Variants in CDH1 observed in about 807,000 individuals in gnomAD.
The protein encoded by CDH1 is cadherin 1.
In CDH1, 35 loss-of-function variants were observed where a neutral mutation model predicts 84.5. That is an observed-to-expected ratio of 0.41 (90% CI 0.32 to 0.55). The LOEUF is 0.55. Ranked by LOEUF, CDH1 falls within the 20% of genes least tolerant of loss-of-function variation. CDH1 has a pLI of 0.19. For synonymous variants in CDH1, 417 were observed against 439.0 expected (o/e 0.95, Z 0.63); for missense variants, 994 against 1,126.6 (o/e 0.88, Z 1.68).
chr16:68,737,318 G>C lies in CDH1; in HGVS notation c.-98G>C, dbSNP rs1400297666. On this transcript the variant is annotated 5_prime_UTR_variant, in exon 1 of 16. Transcript: ENST00000261769. ...GTGGCGTCGGAACTGCAAAGCACCT[G>C]TGAGCTTGCGGAAGTCAGTTCAGAC... 1 of 1,034,746 alleles carries C rather than the reference G, an allele frequency of 9.7e-7. No individual in the cohort carries two copies. The highest frequency in any genetic ancestry group is 1.6e-5 in the African/African-American group (1 of 60,858). The allele number at this position is 1,034,746 out of a possible 1,614,324, so 64.1% of individuals were successfully genotyped here.
In CDH1 at chr16:68,801,663, C is replaced by T. The variant is rs749836889; in HGVS notation, c.164-7C>T. Reference sequence around the variant, plus strand: ...ATTTCCTAATCTCTGTGATTTCTGCCCTGCAGTGAATTTTGAAGATTGCAC... The same window carrying T: ...ATTTCCTAATCTCTGTGATTTCTGCTCTGCAGTGAATTTTGAAGATTGCAC... On this transcript the variant is annotated splice_polypyrimidine_tract_variant and splice_region_variant and intron_variant, in intron 2 of 15. Transcript: ENST00000261769. 4 of 1,608,330 alleles carry T rather than the reference C, an allele frequency of 2.5e-6. No individual in the cohort carries two copies. In the South Asian group the frequency reaches 3.3e-5, roughly 13 times the overall value.
chr16:68,777,087 G>A (rs1008175194), intron 2 of CDH1, among the ~76,000 whole-genome samples: 4 of 152,154 alleles, frequency 2.6e-5, no homozygotes, highest in Non-Finnish European at 5.9e-5. Flanking sequence ...ATCATGAACT[G>A]GTTCAGAGAG....
At chr16:68,744,869 A>G (rs778751403) in intron 2 of CDH1, among the ~76,000 whole-genome samples, 4 of 152,140 alleles carry the variant, frequency 2.6e-5, no homozygotes, top group Non-Finnish European at 4.4e-5. Context: ...GTTTGGTTCA[A>G]AAGATCCCCT....
rs972779682 is a variant in CDH1, at chr16:68,806,188, G to A, written c.388-2236G>A. 1.1e-4 allele frequency among the ~76,000 whole-genome samples: 16 copies of A among 151,000 alleles called. No individual in the cohort carries two copies. The East Asian group carries it at 2.9e-3, about 28-fold the overall frequency. ...TATTTTTGAGACAGAATCTCTCTCT[G>A]TCATCCAGGCTGGAGTGCAGTGGCA... is the stretch of plus-strand genomic sequence containing the variant. On this transcript the variant is annotated intron_variant, in intron 3 of 15. Transcript: ENST00000261769.
intron 2 of CDH1, among the ~76,000 whole-genome samples, chr16:68,800,546 A>T (rs1567500590): frequency 1.3e-5 from 2 of 152,182 alleles, no homozygotes; most frequent in African/African-American, 4.8e-5. Flanking sequence ...TAGCCTTGTA[A>T]GATAGGACGG....
In CDH1 at chr16:68,812,127, C is replaced by T. The variant is rs201227194; in HGVS notation, c.1009-8C>T. 2.5e-6 allele frequency: 4 copies of T among 1,613,990 alleles called. No homozygotes were observed. The highest frequency in any genetic ancestry group is 3.4e-6 in the Non-Finnish European group (4 of 1,180,024). On this transcript the variant is annotated splice_region_variant and splice_polypyrimidine_tract_variant and intron_variant, in intron 7 of 15. Transcript: ENST00000261769. ...GGTCCTGACTTGGTTGTGTCGATCT[C>T]TCTGCAGAGTTTCCCTACGTATACC...
rs774148258 is a variant in CDH1, at chr16:68,833,378, C to A, written c.2528C>A (p.Ala843Asp). 3 of 1,614,154 alleles carry A rather than the reference C, an allele frequency of 1.9e-6. No individual in the cohort carries two copies. Among genetic ancestry groups the A allele is most frequent in the Non-Finnish European group, 2.5e-6 (3 of 1,179,986 alleles). ...TATGAAGGAAGCGGTTCCGAAGCTG[C>A]TAGTCTGAGCTCCCTGAACTCCTCA... ...FDYEGSGSEA[A>D]SLSSLNSSES... is the part of the protein sequence containing the mutation. Residue 843 changes from alanine (A) to aspartate (D), a missense_variant, in exon 16 of 16, where the codon GCT (alanine) becomes GAT (aspartate). Physicochemically the swap from Ala to Asp is moderately radical, Grantham distance 126. Around this residue, in one of 3 missense-constraint regions of CDH1, gnomAD observed 769 missense variants for 881.8 expected, o/e 0.87. Coordinates refer to ENST00000261769, the MANE Select transcript of CDH1 (RefSeq NM_004360.5).
chr16:68,765,889 T>C (rs1239196756), intron 2 of CDH1, among the ~76,000 whole-genome samples: 1 of 152,180 alleles, frequency 6.6e-6, no homozygotes, highest in Non-Finnish European at 1.5e-5. Flanking sequence ...ATTTATTGAT[T>C]GGGAACCCTT....
chr16:68,833,780 AG>A lies in CDH1; in HGVS notation c.*282del, dbSNP rs1961561527. 2.1e-6 allele frequency: 1 copy of A among 472,248 alleles called. No individual in the cohort carries two copies. Among genetic ancestry groups the A allele is most frequent in the Non-Finnish European group, 3.9e-6 (1 of 258,870 alleles). 29.3% of individuals were successfully genotyped at this position (472,248 alleles called of 1,614,324 possible). The stretch of plus-strand genomic sequence containing the variant: ...GATACCCAAATTTTAATATTCCAGA[AG>A]AACAACTTTAGCATCAGAAGGTTCA... On this transcript the variant is annotated 3_prime_UTR_variant, in exon 16 of 16. Coordinates refer to ENST00000261769, the MANE Select transcript of CDH1 (RefSeq NM_004360.5).
chr16:68,754,765 A>G (rs1962976639), intron 2 of CDH1, among the ~76,000 whole-genome samples: 1 of 152,194 alleles, frequency 6.6e-6, no homozygotes, highest in African/African-American at 2.4e-5. Context: ...GCCCTCTGCT[A>G]GGCATTGGGG....
At chr16:68,753,872 T>G (rs930251874) in intron 2 of CDH1, among the ~76,000 whole-genome samples, 4 of 150,306 alleles carry the variant, frequency 2.7e-5, no homozygotes, top group Admixed American at 2.7e-4. Flanking sequence ...ATCCCAGTAC[T>G]TTGGGAGGCT....
chr16:68,825,108 T>A (rs1452224982), intron 13 of CDH1, among the ~76,000 whole-genome samples: 4 of 150,232 alleles, frequency 2.7e-5, no homozygotes, highest in Non-Finnish European at 6.0e-5. Flanking sequence ...TACATTTTTT[T>A]ATTAAAAAAA....
intron 2 of CDH1, among the ~76,000 whole-genome samples, chr16:68,753,698 G>C (rs1392283301): frequency 6.6e-6 from 1 of 152,090 alleles, no homozygotes; most frequent in African/African-American, 2.4e-5. Context: ...TGGCTTAATG[G>C]GTAGTGTGGC....
chr16:68,808,632 G>T (rs2152129948), intron 4 of CDH1, 61 bp from the exon 5 acceptor site: 1 of 1,613,194 alleles, frequency 6.2e-7, no homozygotes. Flanking sequence ...GGAGAGAAAG[G>T]GAAAAGACCC....
At chr16:68,778,289 G>A (rs528093495) in intron 2 of CDH1, among the ~76,000 whole-genome samples, 8 of 151,970 alleles carry the variant, frequency 5.3e-5, no homozygotes, top group East Asian at 1.9e-4. Context: ...CTTGTGATCC[G>A]CCTGCCTTGG....
In CDH1 at chr16:68,744,244, C is replaced by T. The variant is rs548637810; in HGVS notation, c.163+5833C>T. ...GTGGGTTAGAACCTTCCATTATGCTCTGTGTGTGCTGGGGATACTGTGTTC... is the reference window on the plus strand; with the variant it reads ...GTGGGTTAGAACCTTCCATTATGCTTTGTGTGTGCTGGGGATACTGTGTTC... On this transcript the variant is annotated intron_variant, in intron 2 of 15. Transcript: ENST00000261769. 3.3e-5 allele frequency among the ~76,000 whole-genome samples: 5 copies of T among 152,278 alleles called. No individual in the cohort carries two copies. The East Asian group carries it at 9.6e-4, about 29-fold the overall frequency.
intron 9 of CDH1, 89 bp downstream of exon 9, chr16:68,813,584 C>T (rs758965754): frequency 5.6e-5 from 76 of 1,351,022 alleles, no homozygotes; most frequent in South Asian, 1.9e-4. Context: ...GAAGTAGATT[C>T]GCTTTGGCAG....
At chr16:68,795,123 A>C (rs1260328726) in intron 2 of CDH1, among the ~76,000 whole-genome samples, 1 of 152,156 alleles carries the variant, frequency 6.6e-6, no homozygotes, top group Non-Finnish European at 1.5e-5. Context: ...ATAAACCTGT[A>C]ATGTTACTGA....
chr16:68,777,472 C>A (rs774248629), intron 2 of CDH1, among the ~76,000 whole-genome samples: 19 of 151,920 alleles, frequency 1.3e-4, no homozygotes, highest in Middle Eastern at 3.4e-3. Context: ...AAGGCTTTAG[C>A]CAAGACTGCC....
Sources: gnomAD v4.1 joint callset for allele counts (sites outside exome capture counted in the v4.1 genomes callset) on GRCh38, gnomAD v4.1.1 for gene constraint, gnomAD v4.1.1 regional missense constraint, MANE v1.5 for transcripts, NCBI Gene and HGNC (gene_info 2026-07-23, HGNC 2026-07-21) for gene names.